The following FOXP1 variants were observed in gnomAD, a reference collection of about 807,000 sequenced individuals.
The protein encoded by FOXP1 is forkhead box protein P1.
FOXP1 carries 15 observed loss-of-function variants against 98.2 expected under a neutral mutation model. The ratio of observed to expected loss-of-function variants is 0.15; its 90% CI spans 0.10 to 0.24. FOXP1 has a LOEUF of 0.24. FOXP1 is among the 10% of genes least tolerant of loss of function. FOXP1 has a pLI of 1.00. For synonymous variants in FOXP1, 371 were observed against 314.5 expected, an observed-to-expected ratio of 1.18 and a Z score of -1.90; for missense variants, 633 against 848.5, an observed-to-expected ratio of 0.75 and a Z score of 3.15.
chr3:71,561,217 C>T (rs1234532207), intron 2 of FOXP1, among the ~76,000 whole-genome samples: 1 of 151,882 alleles, frequency 6.6e-6, no homozygotes, highest in Non-Finnish European at 1.5e-5. Flanking sequence ...CCACCACGCC[C>T]GGCTCATTTT....
chr3:71,397,004 A>G lies in FOXP1; in HGVS notation c.-167-37760T>C, dbSNP rs1206664292. Among the ~76,000 whole-genome samples the G allele has an allele frequency of 9.3e-5, 6 of 64,644 alleles. 1 individual carries two copies. Among genetic ancestry groups the G allele is most frequent in the Non-Finnish European group, 1.5e-4 (5 of 33,162 alleles). 42.4% of individuals were successfully genotyped at this position (64,644 alleles called of 152,430 possible). On this transcript the variant is annotated intron_variant, in intron 3 of 20. Coordinates refer to ENST00000649528, the MANE Select transcript of FOXP1 (RefSeq NM_001349338.3). Reference sequence around the variant, plus strand: ...TATGTGTATATATATACACATATATATGTGTATATATATATATATACATAT... The same window carrying G: ...TATGTGTATATATATACACATATATGTGTGTATATATATATATATACATAT...
chr3:71,248,828 G>A (rs771740711), intron 5 of FOXP1, among the ~76,000 whole-genome samples: 3 of 152,162 alleles, frequency 2.0e-5, no homozygotes, highest in Non-Finnish European at 2.9e-5. Context: ...GTTCAGTCAG[G>A]GATGGACCAA....
intron 20 of FOXP1, among the ~76,000 whole-genome samples, chr3:70,960,988 A>T (rs2033312173): frequency 6.6e-6 from 1 of 151,420 alleles, no homozygotes; most frequent in African/African-American, 2.4e-5. Context: ...GACTATAGGC[A>T]CCTGCCACCG....
chr3:71,513,545 T>A (rs1288759898), intron 2 of FOXP1, among the ~76,000 whole-genome samples: 3 of 152,144 alleles, frequency 2.0e-5, no homozygotes, highest in Non-Finnish European at 4.4e-5. Flanking sequence ...CTCAACACGG[T>A]AGCAAAAGAG....
intron 4 of FOXP1, among the ~76,000 whole-genome samples, chr3:71,322,786 C>A (rs994975650): frequency 1.3e-5 from 2 of 152,088 alleles, no homozygotes; most frequent in African/African-American, 4.8e-5. Context: ...AACAGAGATG[C>A]GGATGCAGTA....
upstream of FOXP1, chr3:71,583,969 G>GT: frequency 1.0e-6 from 1 of 970,930 alleles, no homozygotes; most frequent in Non-Finnish European, 1.2e-6. Flanking sequence ...CCGTTCGCCG[G>GT]GGCGCTGGCG....
chr3:71,393,633 G>A (rs570967528), intron 3 of FOXP1, among the ~76,000 whole-genome samples: 5 of 152,272 alleles, frequency 3.3e-5, no homozygotes, highest in African/African-American at 1.2e-4. Context: ...GCTAGTAAAT[G>A]TTCTAATAAA....
chr3:71,465,330 G>T (rs376118438), intron 3 of FOXP1, among the ~76,000 whole-genome samples: 1 of 64,480 alleles, frequency 1.6e-5, no homozygotes, highest in Non-Finnish European at 3.8e-5. Flanking sequence ...AAAAAAAGAA[G>T]AAGAAGAAGA....
chr3:71,148,496 T>C (rs1203839218), intron 6 of FOXP1, among the ~76,000 whole-genome samples: 1 of 152,248 alleles, frequency 6.6e-6, no homozygotes, highest in Non-Finnish European at 1.5e-5. Flanking sequence ...TTGTTTTTAT[T>C]ACATTTTTTC....
At chr3:71,349,304 T>G (rs1232233396) in intron 4 of FOXP1, among the ~76,000 whole-genome samples, 2 of 152,242 alleles carry the variant, frequency 1.3e-5, no homozygotes, top group African/African-American at 4.8e-5. Context: ...ATTTTCCTTA[T>G]GAAATGCATC....
At chr3:71,110,383 C>T (rs2057814144) in intron 7 of FOXP1, among the ~76,000 whole-genome samples, 2 of 152,186 alleles carry the variant, frequency 1.3e-5, no homozygotes, top group South Asian at 4.1e-4. Flanking sequence ...CTAACCAAAG[C>T]TCTACTATGT....
At chr3:71,297,501 A>C (rs1445474713) in intron 5 of FOXP1, among the ~76,000 whole-genome samples, 1 of 151,510 alleles carries the variant, frequency 6.6e-6, no homozygotes, top group African/African-American at 2.4e-5. Flanking sequence ...AAAAAAAAAA[A>C]AAACAAAACA....
chr3:71,516,467 C>T (rs1053650337), intron 2 of FOXP1, among the ~76,000 whole-genome samples: 1 of 152,198 alleles, frequency 6.6e-6, no homozygotes, highest in Non-Finnish European at 1.5e-5. Context: ...AAAATGAGCT[C>T]ATACTTTGTA....
At chr3:71,502,288 G>A (rs2041451542) in intron 2 of FOXP1, among the ~76,000 whole-genome samples, 1 of 152,214 alleles carries the variant, frequency 6.6e-6, no homozygotes, top group Non-Finnish European at 1.5e-5. Context: ...GCCCAGGGGA[G>A]CCTCTGCAGC....
At chr3:71,005,919 C>T (rs949918335) in intron 12 of FOXP1, among the ~76,000 whole-genome samples, 5 of 151,938 alleles carry the variant, frequency 3.3e-5, no homozygotes, top group African/African-American at 7.3e-5. Flanking sequence ...GGGCTGGCTG[C>T]GGAAAAACAA....
At chr3:71,187,028 T>G (rs1257590458) in intron 6 of FOXP1, among the ~76,000 whole-genome samples, 2 of 152,244 alleles carry the variant, frequency 1.3e-5, no homozygotes, top group Admixed American at 6.5e-5. Context: ...CAACAGAACT[T>G]TTATTTACTA....
At chr3:71,286,563 A>C (rs2072164871) in intron 5 of FOXP1, among the ~76,000 whole-genome samples, 1 of 152,204 alleles carries the variant, frequency 6.6e-6, no homozygotes, top group Admixed American at 6.5e-5. Context: ...GGACAAGAGA[A>C]TGACTGATAT....
chr3:71,359,948 G>A (rs1029864116), intron 3 of FOXP1, among the ~76,000 whole-genome samples: 3 of 152,040 alleles, frequency 2.0e-5, no homozygotes, highest in East Asian at 1.9e-4. Context: ...GTCCGCCACC[G>A]TGTCTGGCTA....
chr3:71,382,589 C>A (rs1018271223), intron 3 of FOXP1, among the ~76,000 whole-genome samples: 1 of 152,214 alleles, frequency 6.6e-6, no homozygotes, highest in Non-Finnish European at 1.5e-5. Flanking sequence ...TCCTGCTTCA[C>A]ATGTGCAAGG....
Sources: allele counts gnomAD v4.1 joint callset (sites outside exome capture counted in the v4.1 genomes callset), GRCh38; gene constraint gnomAD v4.1.1; transcripts MANE v1.5; gene names NCBI Gene and HGNC (gene_info 2026-07-23, HGNC 2026-07-21).